Variants in BCAS3 observed in about 807,000 individuals in gnomAD.
BCAS3 encodes BCAS4/BCAS3 fusion.
BCAS3 carries 53 observed loss-of-function variants against 116.1 expected under a neutral mutation model. That is an observed-to-expected ratio of 0.46 (90% CI 0.37 to 0.57). The LOEUF (loss-of-function observed/expected upper bound fraction) is 0.57, where lower values mean the gene tolerates loss of function less well. Among genes scored for constraint, BCAS3 ranks in the 20% least tolerant of loss-of-function variants. The pLI is 0.00. For synonymous variants in BCAS3, 391 were observed against 408.2 expected, an observed-to-expected ratio of 0.96 and a Z score of 0.51; for missense variants, 917 against 1,165.4, an observed-to-expected ratio of 0.79 and a Z score of 3.10.
At position 61,226,105 on chromosome 17, in the gene BCAS3, G is replaced by GT. The variant is rs972631698; in HGVS notation, c.2425+141541_2425+141542insT. Among the ~76,000 whole-genome samples, 6 of 152,152 alleles carry GT rather than the reference G, an allele frequency of 3.9e-5. No homozygotes were observed. Among genetic ancestry groups the GT allele is most frequent in the Non-Finnish European group, 8.8e-5 (6 of 68,040 alleles). On this transcript the variant is annotated intron_variant, in intron 22 of 23. Coordinates refer to ENST00000407086, the MANE Select transcript of BCAS3 (RefSeq NM_017679.5). This position sits in a 1 kb window ranked among gnomAD's most constrained non-coding sequence, Gnocchi z 6.0. ...TGCCTGTCGAGAGTCCCAGCTGCTT[G>GT]GGGGGCTAAGGTGGGAGGATCATTT...
intron 8 of BCAS3, among the ~76,000 whole-genome samples, chr17:60,873,766 G>A (rs2055339056): frequency 6.6e-6 from 1 of 152,304 alleles, no homozygotes; most frequent in East Asian, 1.9e-4. Flanking sequence ...TAAACTTAAA[G>A]TGATGGGTTA....
In BCAS3 at chr17:61,363,501, C is replaced by T. The variant is rs2058564422; in HGVS notation, c.2426-4826C>T. Among the ~76,000 whole-genome samples, 1 of 151,796 alleles carries T rather than the reference C, an allele frequency of 6.6e-6. No individual in the cohort carries two copies. The highest frequency in any genetic ancestry group is 2.4e-5 in the African/African-American group (1 of 41,296). ...AAACTCAGTAAGATGGAAACCTATA[C>T]AATGGTGATCATTGTTGCTTCCCAT... On this transcript the variant is annotated intron_variant, in intron 22 of 23. Transcript: ENST00000407086. This position sits in a 1 kb window ranked among gnomAD's most constrained non-coding sequence, Gnocchi z 4.9.
At chr17:60,973,038 G>C (rs1295191181) in intron 14 of BCAS3, among the ~76,000 whole-genome samples, 1 of 152,028 alleles carries the variant, frequency 6.6e-6, no homozygotes, top group Non-Finnish European at 1.5e-5. Flanking sequence ...GAATCATTAG[G>C]CATACTTTTG....
chr17:60,914,942 G>A (rs1435003165), intron 12 of BCAS3, among the ~76,000 whole-genome samples: 2 of 151,982 alleles, frequency 1.3e-5, no homozygotes, highest in African/African-American at 4.8e-5. Flanking sequence ...GCTGTGCAGG[G>A]GGTCAGCACT....
At chr17:60,986,462 T>C (rs1232281574) in intron 14 of BCAS3, among the ~76,000 whole-genome samples, 1 of 152,186 alleles carries the variant, frequency 6.6e-6, no homozygotes, top group Admixed American at 6.5e-5. Flanking sequence ...CCACCAATAG[T>C]GTATGAGGGT....
intron 22 of BCAS3, among the ~76,000 whole-genome samples, chr17:61,294,614 T>G (rs1253696955): frequency 6.6e-6 from 1 of 152,248 alleles, no homozygotes; most frequent in Non-Finnish European, 1.5e-5. Flanking sequence ...TTAACATAGT[T>G]GAGTCTCAGG....
intron 23 of BCAS3, chr17:61,383,519 GC>G (rs1365430119): frequency 1.3e-5 from 2 of 152,342 alleles, no homozygotes; most frequent in African/African-American, 4.8e-5. Context: ...TCGGCTGCAA[GC>G]CCGCAGCTTT....
At position 61,218,925 on chromosome 17, in the gene BCAS3, G is replaced by T. The variant is rs571401858; in HGVS notation, c.2425+134361G>T. On this transcript the variant is annotated intron_variant, in intron 22 of 23. Transcript: ENST00000407086. ...GAACCAAAAGAAAGAGCTACTAAAT[G>T]GAATGATACCAGAATCTGTGCTTCT... Among the ~76,000 whole-genome samples the T allele has an allele frequency of 4.6e-5, 7 of 152,238 alleles. No homozygotes were observed. The South Asian group carries it at 1.5e-3, about 32-fold the overall frequency.
rs181335924 is a variant in BCAS3, at chr17:61,243,140, G to T, written c.2426-125187G>T. On this transcript the variant is annotated intron_variant, in intron 22 of 23. Transcript: ENST00000407086. This position sits in a 1 kb window ranked among gnomAD's most constrained non-coding sequence, Gnocchi z 5.6. ...TTGGCCAAGATGGCCTCCATCTCCT[G>T]ACCTCGTGATCCGCCCGCCACGGCC... 6.6e-6 allele frequency among the ~76,000 whole-genome samples: 1 copy of T among 152,232 alleles called. No homozygotes were observed. The highest frequency in any genetic ancestry group is 1.5e-5 in the Non-Finnish European group (1 of 67,982).
intron 19 of BCAS3, among the ~76,000 whole-genome samples, chr17:61,074,113 GAAA>G (rs917229045): frequency 1.6e-5 from 1 of 61,230 alleles, no homozygotes; most frequent in African/African-American, 4.9e-5. Context: ...TATCTCTTAA[GAAA>G]AAAAAAAAAA....
In BCAS3 at chr17:60,683,505, CTTTTTTTTTTTTTTTTTTTTTTTTT is replaced by C. The variant is rs138663451; in HGVS notation, c.84-462_84-438del. On this transcript the variant is annotated intron_variant, in intron 2 of 23. Transcript: ENST00000407086. ...GAAATATCAGGTGATAAGAGTTAGC[CTTTTTTTTTTTTTTTTTTTTTTTTT>C]TTTTTTTTTTTTTTGCCTTTTTTGA... Among the ~76,000 whole-genome samples, 122 of 44,490 alleles carry C rather than the reference CTTTTTTTTTTTTTTTTTTTTTTTTT, an allele frequency of 2.7e-3. 1 individual carries two copies. Among genetic ancestry groups the C allele is most frequent in the African/African-American group, 9.0e-3 (109 of 12,116 alleles). The allele number at this position is 44,490 out of a possible 152,430, so 29.2% of individuals were successfully genotyped here.
intron 7 of BCAS3, among the ~76,000 whole-genome samples, chr17:60,831,396 C>T (rs767075411): frequency 3.3e-5 from 5 of 151,866 alleles, no homozygotes; most frequent in Admixed American, 1.3e-4. Flanking sequence ...AGGCTGGTCT[C>T]GAACTCCTGA....
At chr17:61,054,533 G>T (rs1345599390) in intron 19 of BCAS3, among the ~76,000 whole-genome samples, 2 of 151,968 alleles carry the variant, frequency 1.3e-5, no homozygotes, top group Non-Finnish European at 2.9e-5. Context: ...TGCCTGGCTA[G>T]TTTTTGTATT....
rs554933400 is a variant in BCAS3, at chr17:61,368,706, A to G, written c.2593+212A>G. 6.6e-6 allele frequency among the ~76,000 whole-genome samples: 1 copy of G among 152,308 alleles called. No individual in the cohort carries two copies. Among genetic ancestry groups the G allele is most frequent in the East Asian group, 1.9e-4 (1 of 5,174 alleles). On this transcript the variant is annotated intron_variant, in intron 23 of 23. Transcript: ENST00000407086. This position sits in a 1 kb window ranked among gnomAD's most constrained non-coding sequence, Gnocchi z 6.0. ...TGGAACTGCCCCTCCCACGTGGAAT[A>G]CCACATGCAGGATTGCCATGATCAA...
intron 15 of BCAS3, among the ~76,000 whole-genome samples, chr17:61,009,509 A>G (rs2064962128): frequency 1.3e-5 from 2 of 152,048 alleles, no homozygotes; most frequent in South Asian, 4.1e-4. Context: ...TTTCTGATCT[A>G]CAACTATTGT....
intron 6 of BCAS3, among the ~76,000 whole-genome samples, chr17:60,800,386 A>G (rs965961901): frequency 3.3e-5 from 5 of 152,144 alleles, no homozygotes; most frequent in African/African-American, 7.2e-5. Flanking sequence ...TTTGCCATCC[A>G]TCTCTTCTTT....
chr17:60,721,032 T>C (rs1364541990), intron 5 of BCAS3, among the ~76,000 whole-genome samples: 1 of 152,182 alleles, frequency 6.6e-6, no homozygotes, highest in African/African-American at 2.4e-5. Context: ...TTTTATACAC[T>C]AAAAGCTTTA....
intron 3 of BCAS3, among the ~76,000 whole-genome samples, chr17:60,684,470 C>G (rs1398008581): frequency 6.6e-6 from 1 of 151,882 alleles, no homozygotes; most frequent in African/African-American, 2.4e-5. Context: ...ACTAAGGTAT[C>G]CTGTTACTCT....
rs955230202 is a variant in BCAS3 at position 61,227,363 on chromosome 17, T to G, written c.2426-140964T>G. 2.0e-5 allele frequency among the ~76,000 whole-genome samples: 3 copies of G among 152,202 alleles called. No individual in the cohort carries two copies. Among genetic ancestry groups the G allele is most frequent in the African/African-American group, 7.2e-5 (3 of 41,444 alleles). On this transcript the variant is annotated intron_variant, in intron 22 of 23. Transcript: ENST00000407086. This position sits in a 1 kb window ranked among gnomAD's most constrained non-coding sequence, Gnocchi z 6.1. The stretch of plus-strand genomic sequence containing the variant: ...TGGATCCCAGATTAAGGTAATTCAT[T>G]TGGCCTCTGTGGGTGGATGTTAATC...
Sources: allele counts gnomAD v4.1 joint callset (sites outside exome capture counted in the v4.1 genomes callset), GRCh38; gene constraint gnomAD v4.1.1; non-coding constraint Gnocchi (gnomAD v3.1); transcripts MANE v1.5; gene names NCBI Gene and HGNC (gene_info 2026-07-23, HGNC 2026-07-21).